MVB12B: variants seen among roughly 807,000 people sequenced by gnomAD.
MVB12B encodes ESCRT-I complex subunit MVB12B.
A neutral mutation model predicts 41.6 loss-of-function variants in MVB12B; 16 were observed. The observed-to-expected ratio is 0.38, with a 90% CI of 0.26 to 0.58. The LOEUF is 0.58. MVB12B is among the 20% of genes least tolerant of loss of function. MVB12B has a pLI of 0.62. For synonymous variants in MVB12B, 133 were observed against 139.7 expected, an observed-to-expected ratio of 0.95 and a Z score of 0.34; for missense variants, 274 against 380.2, an observed-to-expected ratio of 0.72 and a Z score of 2.32.
chr9:126,456,535 C>T (rs1247652143), intron 7 of MVB12B, among the ~76,000 whole-genome samples: 1 of 152,198 alleles, frequency 6.6e-6, no homozygotes, highest in African/African-American at 2.4e-5. Context: ...TTCTAACAAG[C>T]TGACGGGATA....
chr9:126,405,547 G>A (rs1428548255), intron 6 of MVB12B, among the ~76,000 whole-genome samples: 1 of 152,022 alleles, frequency 6.6e-6, no homozygotes, highest in Non-Finnish European at 1.5e-5. Context: ...GTCTCTCAGT[G>A]TAAATCTAGC....
chr9:126,380,916 A>T, intron 2 of MVB12B, 148 bp from the exon 3 acceptor site: 1 of 565,116 alleles, frequency 1.8e-6, no homozygotes, highest in Non-Finnish European at 3.1e-6. Flanking sequence ...GGAAAATCTC[A>T]TCCCAGTGCC....
At chr9:126,327,464 T>TG (rs1451101448) in intron 1 of MVB12B, among the ~76,000 whole-genome samples, 6 of 152,112 alleles carry the variant, frequency 3.9e-5, no homozygotes, top group Non-Finnish European at 8.8e-5. Flanking sequence ...ACTGCCTCTG[T>TG]GACCTGGGCA....
chr9:126,347,017 G>A (rs1196636868), intron 2 of MVB12B, among the ~76,000 whole-genome samples: 1 of 152,196 alleles, frequency 6.6e-6, no homozygotes, highest in South Asian at 2.1e-4. Flanking sequence ...AGGGCATAGC[G>A]GGAGCTAGAG....
At chr9:126,353,263 T>C (rs1178823204) in intron 2 of MVB12B, among the ~76,000 whole-genome samples, 1 of 152,236 alleles carries the variant, frequency 6.6e-6, no homozygotes, top group African/African-American at 2.4e-5. Flanking sequence ...TGTTTTGTTT[T>C]AATAGTGCAA....
chr9:126,398,820 C>G (rs1252965504), intron 6 of MVB12B, among the ~76,000 whole-genome samples: 2 of 152,262 alleles, frequency 1.3e-5, no homozygotes, highest in Admixed American at 1.3e-4. Context: ...GTATTCCTCT[C>G]CAAAGCCAAA....
intron 7 of MVB12B, among the ~76,000 whole-genome samples, chr9:126,423,728 C>T (rs1181335912): frequency 6.6e-6 from 1 of 152,204 alleles, no homozygotes; most frequent in Non-Finnish European, 1.5e-5. Flanking sequence ...CACTGGGCAA[C>T]TATGGTACAA....
chr9:126,442,535 T>C, intron 7 of MVB12B, among the ~76,000 whole-genome samples: 1 of 152,196 alleles, frequency 6.6e-6, no homozygotes, highest in South Asian at 2.1e-4. Flanking sequence ...AGTTTCACTG[T>C]TTTGTAAAAT....
rs1191739831 is a variant in MVB12B at position 126,391,954 on chromosome 9, G to A, written c.410-112G>A. 4.7e-6 allele frequency: 6 copies of A among 1,269,488 alleles called. 1 individual carries two copies. The highest frequency in any genetic ancestry group is 6.8e-6 in the Non-Finnish European group (6 of 887,538). 78.6% of individuals were successfully genotyped at this position (1,269,488 alleles called of 1,614,324 possible). A position where few individuals can be genotyped will look rare whatever the true frequency, so the allele number is the denominator to read the frequency against. ...AGCCCTTCTGTCCAGCAGCTTAGGT[G>A]ACCTGCCACTTCTGCTGCCAGGAAT... On this transcript the variant is annotated intron_variant, in intron 4 of 9. Coordinates refer to ENST00000361171, the MANE Select transcript of MVB12B (RefSeq NM_033446.3). This position sits in a 1 kb window ranked among gnomAD's most constrained non-coding sequence, Gnocchi z 4.4.
At chr9:126,434,414 T>A (rs1172252775) in intron 7 of MVB12B, among the ~76,000 whole-genome samples, 1 of 152,180 alleles carries the variant, frequency 6.6e-6, no homozygotes, top group Admixed American at 6.5e-5. Context: ...TAGAGAGCAG[T>A]TTCTTACGCC....
At chr9:126,358,885 G>A (rs990669490) in intron 2 of MVB12B, among the ~76,000 whole-genome samples, 1 of 152,174 alleles carries the variant, frequency 6.6e-6, no homozygotes, top group Non-Finnish European at 1.5e-5. Context: ...TAGGGGGAAA[G>A]CATTCGGTGT....
chr9:126,378,823 G>T (rs1830559880), intron 2 of MVB12B, among the ~76,000 whole-genome samples: 1 of 152,144 alleles, frequency 6.6e-6, no homozygotes, highest in African/African-American at 2.4e-5. Context: ...TGAAGCGTGG[G>T]CTCAAACAGA....
At chr9:126,450,370 C>G (rs1832867490) in intron 7 of MVB12B, among the ~76,000 whole-genome samples, 1 of 152,240 alleles carries the variant, frequency 6.6e-6, no homozygotes, top group African/African-American at 2.4e-5. Context: ...AAGCTAGCCC[C>G]CATTGGGGTG....
chr9:126,416,576 T>A (rs1030510577), intron 6 of MVB12B, among the ~76,000 whole-genome samples: 9 of 152,210 alleles, frequency 5.9e-5, no homozygotes, highest in Non-Finnish European at 1.0e-4. Flanking sequence ...TGGCCCTGAT[T>A]GAGTAGTCTC....
chr9:126,497,945 C>T (rs1248356818), intron 9 of MVB12B, among the ~76,000 whole-genome samples: 2 of 152,214 alleles, frequency 1.3e-5, no homozygotes, highest in African/African-American at 4.8e-5. Context: ...GAATATGGCT[C>T]AGAAAGCAGC....
chr9:126,497,134 G>A (rs1833854116), intron 9 of MVB12B, among the ~76,000 whole-genome samples: 1 of 152,172 alleles, frequency 6.6e-6, no homozygotes, highest in Non-Finnish European at 1.5e-5. Context: ...CAGACACACA[G>A]GCTTCTGCTT....
At chr9:126,378,732 C>T (rs995256424) in intron 2 of MVB12B, among the ~76,000 whole-genome samples, 1 of 152,114 alleles carries the variant, frequency 6.6e-6, no homozygotes, top group African/African-American at 2.4e-5. Context: ...TGAGTTTGGG[C>T]CCAGGTCAAA....
intron 7 of MVB12B, among the ~76,000 whole-genome samples, chr9:126,434,997 G>A (rs1832430791): frequency 6.6e-6 from 1 of 151,964 alleles, no homozygotes; most frequent in Admixed American, 6.6e-5. Context: ...GAGGACCTGG[G>A]TCTTAGAACT....
At chr9:126,457,662 C>T (rs991695940) in intron 7 of MVB12B, among the ~76,000 whole-genome samples, 2 of 152,220 alleles carry the variant, frequency 1.3e-5, no homozygotes, top group East Asian at 1.9e-4. Flanking sequence ...GTTGCCAGTA[C>T]TTCCATTTTC....
Sources: allele counts gnomAD v4.1 joint callset (sites outside exome capture counted in the v4.1 genomes callset), GRCh38; gene constraint gnomAD v4.1.1; non-coding constraint Gnocchi (gnomAD v3.1); transcripts MANE v1.5; gene names NCBI Gene and HGNC (gene_info 2026-07-23, HGNC 2026-07-21).